KIF21A: variants seen among roughly 807,000 people sequenced by gnomAD.
KIF21A encodes the protein kinesin-like protein KIF21A.
In KIF21A, 114 loss-of-function variants were observed where a neutral mutation model predicts 202.9. That is an observed-to-expected ratio of 0.56 (90% confidence interval 0.48 to 0.66). The LOEUF (loss-of-function observed/expected upper bound fraction) is 0.66. Ranked by LOEUF, KIF21A falls within the 30% of genes least tolerant of loss-of-function variation. The pLI, the probability that KIF21A is intolerant of heterozygous loss-of-function variation, is 0.00. For synonymous variants in KIF21A, 667 were observed against 670.8 expected, an observed-to-expected ratio of 0.99 and a Z score of 0.09; for missense variants, 1,677 against 1,994.9, an observed-to-expected ratio of 0.84 and a Z score of 3.04.
intron 12 of KIF21A, among the ~76,000 whole-genome samples, chr12:39,343,453 CA>C (rs928846789): frequency 7.2e-4 from 109 of 151,668 alleles, no homozygotes; most frequent in Non-Finnish European, 1.3e-3. Context: ...AATTCCTCTA[CA>C]AAAAAAACTT....
At chr12:39,355,072 G>C (rs1032288684) in intron 10 of KIF21A, among the ~76,000 whole-genome samples, 2 of 151,990 alleles carry the variant, frequency 1.3e-5, no homozygotes, top group African/African-American at 4.8e-5. Context: ...CCCAGGGGTG[G>C]GACACACCTA....
intron 1 of KIF21A, among the ~76,000 whole-genome samples, chr12:39,440,320 T>C (rs1939383947): frequency 6.6e-6 from 1 of 152,256 alleles, no homozygotes. Flanking sequence ...GAACTTGGGC[T>C]ACTGAGTCAA....
chr12:39,336,684 A>G (rs1487144256), intron 17 of KIF21A, among the ~76,000 whole-genome samples: 4 of 152,168 alleles, frequency 2.6e-5, no homozygotes, highest in Non-Finnish European at 5.9e-5. Context: ...AGTCCTTAGA[A>G]AAGCCTCTTC....
At chr12:39,361,494 T>C (rs1264878053) in intron 7 of KIF21A, among the ~76,000 whole-genome samples, 2 of 151,824 alleles carry the variant, frequency 1.3e-5, no homozygotes, top group African/African-American at 4.8e-5. Flanking sequence ...AATGACAATG[T>C]TGTATTCTAC....
chr12:39,370,393 A>T, intron 1 of KIF21A, 132 bp from the exon 2 acceptor site: 1 of 668,378 alleles, frequency 1.5e-6, no homozygotes, highest in Non-Finnish European at 2.6e-6. Flanking sequence ...TATTCAGTTG[A>T]AAAGTTTAAA....
chr12:39,332,784 A>T (rs781587150), intron 19 of KIF21A, 40 bp from the exon 20 acceptor site: 1 of 1,610,148 alleles, frequency 6.2e-7, no homozygotes, highest in East Asian at 2.2e-5. Flanking sequence ...TTACTTATGC[A>T]CTTATTTGAT....
At chr12:39,366,326 C>T (rs775986393) in intron 6 of KIF21A, 24 bp downstream of exon 6, 2 of 1,604,274 alleles carry the variant, frequency 1.2e-6, no homozygotes, top group African/African-American at 1.3e-5. Context: ...CTGATATATT[C>T]TCAGCACAAA....
intron 36 of KIF21A, among the ~76,000 whole-genome samples, chr12:39,302,704 C>T (rs990572463): frequency 6.6e-6 from 1 of 152,154 alleles, no homozygotes; most frequent in Non-Finnish European, 1.5e-5. Context: ...ATTTAATAAA[C>T]ACATGCATGG....
Position 39,333,887 on chromosome 12 carries a change from T to TA in KIF21A, c.2419-608dup, listed in dbSNP as rs1417741140. Among the ~76,000 whole-genome samples, 798 of 147,196 alleles carry TA rather than the reference T, an allele frequency of 5.4e-3. 4 individuals carry two copies. The highest frequency in any genetic ancestry group is 0.018 in the African/African-American group (714 of 40,304). On this transcript the variant is annotated intron_variant, in intron 17 of 37. Coordinates refer to ENST00000361418, the MANE Select transcript of KIF21A (RefSeq NM_001173464.2). ...CAAGCCATTCTACAGGCATATAATT[T>TA]AAAAAAAAAAATTGGACTTAAAAAG...
intron 6 of KIF21A, among the ~76,000 whole-genome samples, chr12:39,365,578 T>C (rs1949541778): frequency 6.6e-6 from 1 of 152,228 alleles, no homozygotes; most frequent in East Asian, 1.9e-4. Flanking sequence ...AAGTTAATTC[T>C]TAATATAATC....
intron 10 of KIF21A, among the ~76,000 whole-genome samples, chr12:39,353,347 G>A (rs1378174244): frequency 6.6e-6 from 1 of 152,074 alleles, no homozygotes; most frequent in East Asian, 1.9e-4. Flanking sequence ...TAATGAAATT[G>A]TTTTATTATA....
rs1218849561 is a variant in KIF21A at position 39,311,404 on chromosome 12, T to G, written c.4096+13A>C. 6.2e-7 allele frequency: 1 copy of G among 1,611,134 alleles called. No homozygotes were observed. The highest frequency in any genetic ancestry group is 1.3e-5 in the African/African-American group (1 of 74,838). On this transcript the variant is annotated intron_variant, in intron 32 of 37. Transcript: ENST00000361418. The stretch of plus-strand genomic sequence containing the variant: ...AAAGCTATTAAATATCTGCATTAGA[T>G]AACTACTAGCACCTTTTGATCCAGT...
At chr12:39,318,785 C>A (rs1944863899) in intron 28 of KIF21A, among the ~76,000 whole-genome samples, 1 of 152,084 alleles carries the variant, frequency 6.6e-6, no homozygotes, top group African/African-American at 2.4e-5. Context: ...TTGAGAGCAT[C>A]CTGGCTAACA....
rs1939873512 is a variant in KIF21A, at chr12:39,442,966, A to C, written c.5T>G (p.Leu2Trp). The C allele has an allele frequency of 6.6e-7, 1 of 1,521,558 alleles. No individual in the cohort carries two copies. Among genetic ancestry groups the C allele is most frequent in the East Asian group, 2.5e-5 (1 of 39,382 alleles). 94.3% of individuals were successfully genotyped at this position (1,521,558 alleles called of 1,614,324 possible). The change falls in exon 1 of 38, where the codon TTG becomes TGG. Residue 2 changes from leucine (L) to tryptophan (W), a missense_variant. By Grantham distance (61) the Leu-to-Trp change is moderately conservative. Coordinates refer to ENST00000361418, the MANE Select transcript of KIF21A (RefSeq NM_001173464.2). This position sits in a 1 kb window ranked among gnomAD's most constrained non-coding sequence, Gnocchi z 5.0. ...CACGGAGCTCTCGTCCGGGGCGCCC[A>C]ACATGCTGGCGGCGGGCAGCGATCG... M[L>W]GAPDESSVRV...
Position 39,442,619 on chromosome 12 carries a change from G to A in KIF21A, c.44+308C>T, listed in dbSNP as rs372554311. On this transcript the variant is annotated intron_variant, in intron 1 of 37. Transcript: ENST00000361418. The surrounding 1 kb of genome is among the most constrained non-coding windows in gnomAD (Gnocchi z 5.0). Reference sequence around the variant, plus strand: ...CCTGAGGTGACTGATCCCGCGAGGGGACGGAGGGGAGTGACGAGGGCTTTT... The same window carrying A: ...CCTGAGGTGACTGATCCCGCGAGGGAACGGAGGGGAGTGACGAGGGCTTTT... Among the ~76,000 whole-genome samples, 34 of 152,318 alleles carry A rather than the reference G, an allele frequency of 2.2e-4. No homozygotes were observed. Among genetic ancestry groups the A allele is most frequent in the African/African-American group, 7.9e-4 (33 of 41,578 alleles).
chr12:39,416,674 CATAT>C (rs1388905256), intron 1 of KIF21A, among the ~76,000 whole-genome samples: 1 of 115,582 alleles, frequency 8.7e-6, no homozygotes, highest in African/African-American at 3.9e-5. Context: ...TATATATGTA[CATAT>C]ATATGTGTGT....
At chr12:39,335,331 G>A (rs558296755) in intron 17 of KIF21A, among the ~76,000 whole-genome samples, 368 of 151,304 alleles carry the variant, frequency 2.4e-3, no homozygotes, top group Non-Finnish European at 4.3e-3. Flanking sequence ...AGAATGGCTT[G>A]GACCTGGGAG....
rs1409300354 is a variant in KIF21A at position 39,326,342 on chromosome 12, A to C, written c.3341-18T>G. On this transcript the variant is annotated intron_variant, in intron 24 of 37. Coordinates refer to ENST00000361418, the MANE Select transcript of KIF21A (RefSeq NM_001173464.2). Reference sequence around the variant, plus strand: ...TACATTTTCTACAAAAAAATGTTTAAAATGTAAGCATTATCCCCATGTCAC... The same window carrying C: ...TACATTTTCTACAAAAAAATGTTTACAATGTAAGCATTATCCCCATGTCAC... 1.3e-6 allele frequency: 2 copies of C among 1,565,908 alleles called. No homozygotes were observed. The highest frequency in any genetic ancestry group is 2.7e-5 in the African/African-American group (2 of 74,184).
chr12:39,422,796 A>T (rs1954410816), intron 1 of KIF21A, among the ~76,000 whole-genome samples: 1 of 152,212 alleles, frequency 6.6e-6, no homozygotes, highest in Non-Finnish European at 1.5e-5. Context: ...ACTGCTCTAA[A>T]TATCCTCTAA....
Sources: allele counts gnomAD v4.1 joint callset (sites outside exome capture counted in the v4.1 genomes callset), GRCh38; gene constraint gnomAD v4.1.1; non-coding constraint Gnocchi (gnomAD v3.1); transcripts MANE v1.5; gene names NCBI Gene and HGNC (gene_info 2026-07-23, HGNC 2026-07-21).